Variants in GATA3 observed in about 807,000 individuals in gnomAD.
GATA3 encodes trans-acting T-cell-specific transcription factor GATA-3.
Under a neutral mutation model 36.0 loss-of-function variants are expected in GATA3, and 6 were observed. The ratio of observed to expected loss-of-function variants is 0.17; its 90% CI spans 0.09 to 0.33. GATA3 has a LOEUF of 0.33. Ranked by LOEUF, GATA3 falls within the 10% of genes least tolerant of loss-of-function variation. The pLI, the probability that GATA3 is intolerant of heterozygous loss-of-function variation, is 1.00. For synonymous variants in GATA3, 326 were observed against 273.0 expected, an observed-to-expected ratio of 1.19 and a Z score of -1.92; for missense variants, 514 against 610.1, an observed-to-expected ratio of 0.84 and a Z score of 1.66.
intron 2 of GATA3, among the ~76,000 whole-genome samples, chr10:8,056,279 G>A (rs1832637113): frequency 6.6e-6 from 1 of 152,174 alleles, no homozygotes; most frequent in Admixed American, 6.5e-5. Context: ...CCCGGTAGCC[G>A]GCGCCGGACA....
intron 3 of GATA3, among the ~76,000 whole-genome samples, chr10:8,059,324 G>A (rs533978515): frequency 1.3e-4 from 20 of 152,328 alleles, no homozygotes; most frequent in African/African-American, 4.3e-4. Context: ...ACCACGCAGT[G>A]AGGACAGTCC....
intron 3 of GATA3, among the ~76,000 whole-genome samples, chr10:8,063,640 G>C (rs1307912832): frequency 2.0e-5 from 3 of 152,100 alleles, no homozygotes; most frequent in Non-Finnish European, 2.9e-5. Flanking sequence ...CACCATCCAG[G>C]GCTCAGGATT....
At chr10:8,069,735 C>A in intron 5 of GATA3, 137 bp downstream of exon 5, 1 of 1,103,616 alleles carries the variant, frequency 9.1e-7, no homozygotes, top group Non-Finnish European at 1.3e-6. Flanking sequence ...TGCAATAGGA[C>A]CTAGCTTGGA....
Position 8,074,057 on chromosome 10 carries a change from G to T in GATA3, c.*34G>T, listed in dbSNP as rs1025677004. 3.1e-6 allele frequency: 5 copies of T among 1,611,904 alleles called. No individual in the cohort carries two copies. Among genetic ancestry groups the T allele is most frequent in the Non-Finnish European group, 4.2e-6 (5 of 1,178,758 alleles). ...TCGATGCTCACAGGGCCCCCAGCGA[G>T]AGTCCCTGCAGTCCCTTTCGACTTG... On this transcript the variant is annotated 3_prime_UTR_variant, in exon 6 of 6. Transcript: ENST00000379328.
At chr10:8,057,277 G>T (rs1402716615) in intron 2 of GATA3, among the ~76,000 whole-genome samples, 1 of 152,174 alleles carries the variant, frequency 6.6e-6, no homozygotes, top group East Asian at 1.9e-4. Flanking sequence ...GCTGAGGCAG[G>T]TACTGGCTTT....
chr10:8,058,551 C>T lies in GATA3; in HGVS notation c.488C>T (p.Pro163Leu), dbSNP rs201023943. 11 of 1,612,378 alleles carry T rather than the reference C, an allele frequency of 6.8e-6. No individual in the cohort carries two copies. The highest frequency in any genetic ancestry group is 4.2e-6 in the Non-Finnish European group (5 of 1,179,896). The change falls in exon 3 of 6, where the codon CCG becomes CTG. Residue 163 changes from proline to leucine, a missense_variant. By Grantham distance (98) the Pro-to-Leu change is moderately conservative. This residue lies in a region of GATA3 where 381 missense variants were observed against 354.3 expected (regional missense o/e 1.08). Transcript: ENST00000379328. ...FPPTPPKDVS[P>L]DPSLSTPGSA... ...CCCACCCCGCCGAAGGACGTCTCCC[C>T]GGACCCATCGCTGTCCACCCCAGGC...
chr10:8,064,308 C>CTTTTTTTTTT (rs1315616378), intron 4 of GATA3, among the ~76,000 whole-genome samples, 170 bp downstream of exon 4: 3 of 114,136 alleles, frequency 2.6e-5, no homozygotes, highest in African/African-American at 1.1e-4. Context: ...TTTTCTTCTT[C>CTTTTTTTTTT]TTCTTTTTTT....
Position 8,073,919 on chromosome 10 carries a change from A to G in GATA3, c.1231A>G (p.Ser411Gly), listed in dbSNP as rs2131522052. ...CTCCCTGAGCCACATCTCGCCCTTC[A>G]GCCACTCCAGCCACATGCTGACCAC... ...MSSLSHISPF[S>G]HSSHMLTTPT... Residue 411 changes from serine (S) to glycine (G), a missense_variant, in exon 6 of 6, where the codon AGC becomes GGC. By Grantham distance (56) the Ser-to-Gly change is moderately conservative. Coordinates refer to ENST00000379328, the MANE Select transcript of GATA3 (RefSeq NM_001002295.2). The G allele has an allele frequency of 6.2e-7, 1 of 1,614,090 alleles. No homozygotes were observed. Among genetic ancestry groups the G allele is most frequent in the Non-Finnish European group, 8.5e-7 (1 of 1,180,024 alleles).
upstream of GATA3, chr10:8,053,276 C>T (rs1381233196): frequency 6.6e-6 from 1 of 152,158 alleles, no homozygotes; most frequent in Non-Finnish European, 1.5e-5. The surrounding 1 kb of genome is among the most constrained non-coding windows in gnomAD (Gnocchi z 5.1). Flanking sequence ...GTCTCCAATT[C>T]AAATAAAACC....
chr10:8,053,485 G>A (rs1832551518), upstream of GATA3: 1 of 152,246 alleles, frequency 6.6e-6, no homozygotes, highest in African/African-American at 2.4e-5. The surrounding 1 kb of genome is among the most constrained non-coding windows in gnomAD (Gnocchi z 5.1). Context: ...GTGGCTCAAA[G>A]GACCGAGCGG....
chr10:8,049,018 G>C (rs1185732919), upstream of GATA3, among the ~76,000 whole-genome samples: 1 of 152,056 alleles, frequency 6.6e-6, no homozygotes, highest in African/African-American at 2.4e-5. Context: ...CCCACGGCTC[G>C]CGGCTCTCCT....
chr10:8,059,732 A>G (rs1010261502), intron 3 of GATA3, among the ~76,000 whole-genome samples: 2 of 152,240 alleles, frequency 1.3e-5, no homozygotes, highest in African/African-American at 4.8e-5. Flanking sequence ...AAAACCCCAC[A>G]CAAAATACTT....
upstream of GATA3, among the ~76,000 whole-genome samples, chr10:8,050,164 C>T (rs1264286925): frequency 1.3e-5 from 2 of 152,364 alleles, no homozygotes; most frequent in Middle Eastern, 3.4e-3. Flanking sequence ...GCAGCCTCGG[C>T]CACTCTTCCA....
chr10:8,056,331 C>T (rs1228580140), intron 2 of GATA3, among the ~76,000 whole-genome samples: 2 of 152,218 alleles, frequency 1.3e-5, no homozygotes, highest in Admixed American at 1.3e-4. Flanking sequence ...CCTGGCGTTC[C>T]CTGTTACCCG....
chr10:8,073,123 C>T (rs529684101), intron 5 of GATA3, among the ~76,000 whole-genome samples: 2 of 115,996 alleles, frequency 1.7e-5, no homozygotes, highest in African/African-American at 6.6e-5. Flanking sequence ...CCAGCCTGGG[C>T]GACAGCGGGA....
At position 8,074,191 on chromosome 10, in the gene GATA3, CTG is replaced by C. The variant is rs1440676499; in HGVS notation, c.*172_*173del. The stretch of plus-strand genomic sequence containing the variant: ...TTTGCAAAGGAGCTCACTGTGGTGT[CTG>C]TGTTCCAACCACTGAATCTGGACCC... On this transcript the variant is annotated 3_prime_UTR_variant, in exon 6 of 6. Coordinates refer to ENST00000379328, the MANE Select transcript of GATA3 (RefSeq NM_001002295.2). 1 of 720,066 alleles carries C rather than the reference CTG, an allele frequency of 1.4e-6. No homozygotes were observed. The highest frequency in any genetic ancestry group is 1.8e-5 in the African/African-American group (1 of 56,142). 44.6% of individuals were successfully genotyped at this position (720,066 alleles called of 1,614,324 possible). A position where few individuals can be genotyped will look rare whatever the true frequency, so the allele number is the denominator to read the frequency against.
At chr10:8,071,217 A>G (rs913240959) in intron 5 of GATA3, among the ~76,000 whole-genome samples, 1 of 152,222 alleles carries the variant, frequency 6.6e-6, no homozygotes, top group Non-Finnish European at 1.5e-5. Flanking sequence ...AGTCGCTTGC[A>G]CAAGGTAACG....
intron 5 of GATA3, 65 bp downstream of exon 5, chr10:8,069,663 C>T: frequency 6.3e-7 from 1 of 1,575,514 alleles, no homozygotes; most frequent in South Asian, 1.1e-5. Context: ...AACAGCGTCA[C>T]CACCACCCTC....
At chr10:8,064,179 T>G (rs745998712) in intron 4 of GATA3, 41 bp downstream of exon 4, 1 of 1,613,324 alleles carries the variant, frequency 6.2e-7, no homozygotes, top group African/African-American at 1.3e-5. Context: ...CTGACCATTC[T>G]GGGTTTCTCA....
Sources: gnomAD v4.1 joint callset for allele counts (sites outside exome capture counted in the v4.1 genomes callset) on GRCh38, gnomAD v4.1.1 for gene constraint, gnomAD v4.1.1 regional missense constraint, Gnocchi (gnomAD v3.1) non-coding constraint, MANE v1.5 for transcripts, NCBI Gene and HGNC (gene_info 2026-07-23, HGNC 2026-07-21) for gene names.